RPRD2: variants seen among roughly 807,000 people sequenced by gnomAD.
RPRD2 encodes regulation of nuclear pre-mRNA domain-containing protein 2.
In RPRD2, 12 loss-of-function variants were observed where a neutral mutation model predicts 104.4. That is an observed-to-expected ratio of 0.11 (90% CI 0.07 to 0.19). The LOEUF (loss-of-function observed/expected upper bound fraction) is 0.19, where lower values mean the gene tolerates loss of function less well. Ranked by LOEUF, RPRD2 falls within the 10% of genes least tolerant of loss-of-function variation. The pLI is 1.00. For missense variants in RPRD2, 1,543 were observed against 1,790.1 expected, an observed-to-expected ratio of 0.86 and a Z score of 2.49; for synonymous variants, 714 against 684.9, an observed-to-expected ratio of 1.04 and a Z score of -0.66.
chr1:150,381,415 G>C (rs1661119713), intron 1 of RPRD2, among the ~76,000 whole-genome samples: 2 of 151,988 alleles, frequency 1.3e-5, no homozygotes, highest in African/African-American at 4.8e-5. Flanking sequence ...GCAAGACCCT[G>C]GCTCCAAAAA....
intron 7 of RPRD2, among the ~76,000 whole-genome samples, chr1:150,452,661 CT>C (rs782322743): frequency 0.078 from 5,558 of 70,872 alleles, 58 homozygotes; most frequent in African/African-American, 0.19. Context: ...GACATATCCC[CT>C]TTTTTTTTTT....
chr1:150,397,451 A>T (rs1357799537), intron 1 of RPRD2, among the ~76,000 whole-genome samples: 3 of 152,084 alleles, frequency 2.0e-5, no homozygotes, highest in Admixed American at 2.0e-4. Flanking sequence ...AACTTATATA[A>T]GTTCTGTTAC....
intron 7 of RPRD2, among the ~76,000 whole-genome samples, chr1:150,453,719 T>C (rs1406570724): frequency 6.6e-6 from 1 of 152,248 alleles, no homozygotes; most frequent in Non-Finnish European, 1.5e-5. Context: ...TAATGTAGTG[T>C]CTGCATTTTC....
chr1:150,456,245 C>T (rs112092313), intron 7 of RPRD2, among the ~76,000 whole-genome samples: 1 of 152,012 alleles, frequency 6.6e-6, no homozygotes, highest in Non-Finnish European at 1.5e-5. Context: ...CTAGAAGATA[C>T]ATTTAGGCTC....
In RPRD2 at chr1:150,457,551, T is replaced by C; in HGVS notation, c.1134T>C (p.Asp378=). The C allele has an allele frequency of 6.2e-7, 1 of 1,613,860 alleles. No homozygotes were observed. Among genetic ancestry groups the C allele is most frequent in the African/African-American group, 1.3e-5 (1 of 75,052 alleles). ...VEDMELSDVE[D]DGSKIIVEDR... is the part of the protein sequence containing the mutation. The stretch of plus-strand genomic sequence containing the variant: ...ACATGGAACTCTCAGATGTGGAAGA[T>C]GATGGGTCAAAAATCATTGGTATGT... Residue 378 remains aspartate, a synonymous_variant, in exon 8 of 11, where the codon GAT becomes GAC. Coordinates refer to ENST00000369068, the MANE Select transcript of RPRD2 (RefSeq NM_015203.5).
chr1:150,458,055 C>T (rs1212280112), intron 8 of RPRD2, among the ~76,000 whole-genome samples: 4 of 151,702 alleles, frequency 2.6e-5, no homozygotes, highest in East Asian at 1.9e-4. Flanking sequence ...GGAGACAGAG[C>T]GAGACTCCGT....
intron 1 of RPRD2, among the ~76,000 whole-genome samples, chr1:150,384,395 G>A (rs12124267): frequency 6.8e-4 from 103 of 151,442 alleles, no homozygotes; most frequent in South Asian, 6.0e-3. Flanking sequence ...CAGAAGGCAC[G>A]CATGCATAGC....
chr1:150,472,620 T>C lies in RPRD2; in HGVS notation c.3672T>C (p.Gly1224=), dbSNP rs1228073770. The stretch of plus-strand genomic sequence containing the variant: ...CACCTGTCCCTCCTAAGGATCATGG[T>C]GGTATCTTCTCTCGAGATGCACCCA... The part of the protein sequence containing the change: ...SAPPVPPKDH[G]GIFSRDAPTH... The change falls in exon 11 of 11, where the codon GGT becomes GGC. Residue 1224 remains glycine, a synonymous_variant. Coordinates refer to ENST00000369068, the MANE Select transcript of RPRD2 (RefSeq NM_015203.5). 1 of 1,613,926 alleles carries C rather than the reference T, an allele frequency of 6.2e-7. No homozygotes were observed. Among genetic ancestry groups the C allele is most frequent in the South Asian group, 1.1e-5 (1 of 91,086 alleles).
chr1:150,400,126 C>A (rs1424949461), intron 1 of RPRD2, among the ~76,000 whole-genome samples: 4 of 152,132 alleles, frequency 2.6e-5, no homozygotes, highest in African/African-American at 9.7e-5. Flanking sequence ...TAATCTAAGT[C>A]TTTCATGCTC....
chr1:150,427,463 A>C (rs1272476211), intron 2 of RPRD2, among the ~76,000 whole-genome samples: 1 of 146,504 alleles, frequency 6.8e-6, no homozygotes, highest in Non-Finnish European at 1.5e-5. Context: ...ACAGAGCGAG[A>C]CTCTATCTCA....
chr1:150,404,878 G>C (rs182280101), intron 1 of RPRD2, among the ~76,000 whole-genome samples: 3 of 152,320 alleles, frequency 2.0e-5, no homozygotes, highest in East Asian at 3.9e-4. Flanking sequence ...TTTAGTGCAT[G>C]TCTCTCCATT....
At chr1:150,450,535 G>A (rs1370905549) in intron 7 of RPRD2, among the ~76,000 whole-genome samples, 3 of 147,360 alleles carry the variant, frequency 2.0e-5, no homozygotes, top group African/African-American at 7.5e-5. Flanking sequence ...GAACCCAGGA[G>A]GCGGAGCTTG....
At chr1:150,415,909 A>G (rs698916) in intron 1 of RPRD2, among the ~76,000 whole-genome samples, 49,975 of 152,078 alleles carry the variant, frequency 0.33, 8,941 homozygotes, top group Non-Finnish European at 0.4. Flanking sequence ...GAAACAGCAT[A>G]TAAGCTTATC....
chr1:150,410,229 T>A (rs1663797932), intron 1 of RPRD2, among the ~76,000 whole-genome samples: 1 of 152,132 alleles, frequency 6.6e-6, no homozygotes, highest in Non-Finnish European at 1.5e-5. Flanking sequence ...TCTAGGCCAT[T>A]GTAAGGACTT....
At chr1:150,446,726 C>G (rs1666798548) in intron 7 of RPRD2, among the ~76,000 whole-genome samples, 1 of 151,680 alleles carries the variant, frequency 6.6e-6, no homozygotes, top group South Asian at 2.1e-4. Context: ...CCCAGCCTGG[C>G]CAACAAGAGT....
At chr1:150,443,420 G>A (rs587661061) in intron 5 of RPRD2, 137 bp downstream of exon 5, 287 of 571,468 alleles carry the variant, frequency 5.0e-4, no homozygotes, top group African/African-American at 5.0e-3. Flanking sequence ...CTGTTCTAAA[G>A]GAACCCAGAT....
At chr1:150,373,608 G>A (rs1660488568) in intron 1 of RPRD2, among the ~76,000 whole-genome samples, 1 of 149,956 alleles carries the variant, frequency 6.7e-6, no homozygotes, top group Admixed American at 6.7e-5. Flanking sequence ...GGGGAAGGCT[G>A]TGAGTGGAGC....
chr1:150,447,196 C>T (rs1253567318), intron 7 of RPRD2, among the ~76,000 whole-genome samples: 5 of 151,752 alleles, frequency 3.3e-5, no homozygotes, highest in Non-Finnish European at 7.4e-5. Context: ...GTCTTGAACT[C>T]CTGCCCACCT....
chr1:150,447,017 G>T (rs587657125), intron 7 of RPRD2, among the ~76,000 whole-genome samples: 1 of 151,966 alleles, frequency 6.6e-6, no homozygotes, highest in Admixed American at 6.6e-5. Context: ...TGTATTTTTA[G>T]TAGAGACGAG....
Sources: gnomAD v4.1 joint callset for allele counts (sites outside exome capture counted in the v4.1 genomes callset) on GRCh38, gnomAD v4.1.1 for gene constraint, MANE v1.5 for transcripts, NCBI Gene and HGNC (gene_info 2026-07-23, HGNC 2026-07-21) for gene names.